Variants in ELAPOR2 observed in about 807,000 individuals in gnomAD.
ELAPOR2 encodes the protein endosome/lysosome-associated apoptosis and autophagy regulator family member 2.
ELAPOR2 carries 89 observed loss-of-function variants against 120.7 expected under a neutral mutation model. That is an observed-to-expected ratio of 0.74 (90% CI 0.62 to 0.88). ELAPOR2 has a LOEUF of 0.88. Among genes scored for constraint, ELAPOR2 ranks in the 40% least tolerant of loss-of-function variants. ELAPOR2 has a pLI of 0.00. For synonymous variants in ELAPOR2, 444 were observed against 444.9 expected (o/e 1.00, Z 0.03); for missense variants, 1,134 against 1,251.6 (o/e 0.91, Z 1.42).
intron 1 of ELAPOR2, among the ~76,000 whole-genome samples, chr7:87,011,561 G>A (rs760053254): frequency 3.9e-5 from 6 of 152,134 alleles, no homozygotes; most frequent in African/African-American, 7.2e-5. Context: ...CCGTTTCAGT[G>A]AGTTCACAAA....
At chr7:86,965,709 G>T in intron 1 of ELAPOR2, 1 of 509,520 alleles carries the variant, frequency 2.0e-6, no homozygotes, top group Non-Finnish European at 2.5e-6. Flanking sequence ...TTACACATAA[G>T]TGATATTTAA....
intron 2 of ELAPOR2, among the ~76,000 whole-genome samples, chr7:86,959,008 G>A (rs140592196): frequency 3.9e-4 from 59 of 150,148 alleles, no homozygotes; most frequent in African/African-American, 1.2e-3. Context: ...TTTAATCAGC[G>A]TTTATCATTT....
intron 10 of ELAPOR2, chr7:86,920,795 C>T (rs1426491433): frequency 6.6e-6 from 1 of 152,146 alleles, no homozygotes; most frequent in Non-Finnish European, 1.5e-5. Context: ...GGGCCTTGAA[C>T]ATTCCCAGGC....
At chr7:86,923,279 G>A (rs1161862371) in intron 10 of ELAPOR2, among the ~76,000 whole-genome samples, 3 of 151,862 alleles carry the variant, frequency 2.0e-5, no homozygotes, top group Non-Finnish European at 4.4e-5. Flanking sequence ...AAAATAGCTA[G>A]AAGAATTAGA....
At position 86,942,085 on chromosome 7, in the gene ELAPOR2, T is replaced by C. The variant is rs939109230; in HGVS notation, c.674A>G (p.Gln225Arg). ...FEFFIQNDQC[Q>R]EMDTTTDKWV... ...CTTGTCAGTGGTGGTGTCCATCTCC[T>C]GGCACTGATCATTTTGAATCTGTGG... is the stretch of plus-strand genomic sequence containing the variant. The change falls in exon 5 of 22, where the codon CAG becomes CGG. Residue 225 changes from glutamine to arginine, a missense_variant. Transcript: ENST00000450689. 6 of 1,547,284 alleles carry C rather than the reference T, an allele frequency of 3.9e-6. No individual in the cohort carries two copies. The East Asian group carries it at 1.5e-4, about 38-fold the overall frequency.
At chr7:86,976,913 G>A (rs775967194) in intron 1 of ELAPOR2, among the ~76,000 whole-genome samples, 4 of 152,180 alleles carry the variant, frequency 2.6e-5, no homozygotes, top group African/African-American at 9.7e-5. Context: ...TCATGCATAA[G>A]GTTAAGGTAC....
At chr7:87,017,863 G>A (rs55970030) in intron 1 of ELAPOR2, among the ~76,000 whole-genome samples, 1 of 152,138 alleles carries the variant, frequency 6.6e-6, no homozygotes, top group Non-Finnish European at 1.5e-5. Flanking sequence ...AGAGGTTGCA[G>A]CGACCCAGGA....
chr7:86,892,594 A>T (rs907658862), intron 20 of ELAPOR2, among the ~76,000 whole-genome samples: 8 of 152,096 alleles, frequency 5.3e-5, no homozygotes, highest in African/African-American at 9.7e-5. Context: ...TATCATTTTT[A>T]AAAAAGGCAG....
At chr7:86,927,068 AAG>A (rs1790106099) in intron 8 of ELAPOR2, 152 bp from the exon 9 acceptor site, 1 of 693,950 alleles carries the variant, frequency 1.4e-6, no homozygotes, top group South Asian at 3.2e-5. Context: ...AATGAGAGAA[AAG>A]AGAGAACATT....
At chr7:86,948,290 T>C (rs1791087006) in intron 2 of ELAPOR2, among the ~76,000 whole-genome samples, 1 of 152,208 alleles carries the variant, frequency 6.6e-6, no homozygotes, top group Non-Finnish European at 1.5e-5. Flanking sequence ...TCCCTTCCCC[T>C]GGCCCAATGG....
intron 1 of ELAPOR2, among the ~76,000 whole-genome samples, chr7:86,967,222 T>C (rs1354961403): frequency 2.0e-5 from 3 of 152,114 alleles, no homozygotes; most frequent in Non-Finnish European, 4.4e-5. Context: ...CACTTTGGGA[T>C]GCCAAGGTGG....
At chr7:87,018,887 C>A (rs929730429) in intron 1 of ELAPOR2, among the ~76,000 whole-genome samples, 5 of 152,104 alleles carry the variant, frequency 3.3e-5, no homozygotes, top group Admixed American at 1.3e-4. Context: ...AAAATAAATA[C>A]TAAGACAAGC....
At chr7:87,042,675 G>A (rs375766619) in intron 1 of ELAPOR2, among the ~76,000 whole-genome samples, 20 of 152,004 alleles carry the variant, frequency 1.3e-4, no homozygotes, top group African/African-American at 3.4e-4. Context: ...TCCAAAATTG[G>A]CACCCTAACA....
chr7:86,945,544 T>C lies in ELAPOR2; in HGVS notation c.507-498A>G, dbSNP rs143373677. 5.0e-3 allele frequency among the ~76,000 whole-genome samples: 769 copies of C among 152,324 alleles called. 8 individuals carry two copies. Among genetic ancestry groups the C allele is most frequent in the African/African-American group, 0.018 (731 of 41,574 alleles). ...GACTTGGCTTTGAGTTCCTAAATCT[T>C]TGTAAGGTTATTTTAAAAGCAACTA... is the stretch of plus-strand genomic sequence containing the variant. On this transcript the variant is annotated intron_variant, in intron 3 of 21. Coordinates refer to ENST00000450689, the MANE Select transcript of ELAPOR2 (RefSeq NM_001142749.3).
At chr7:87,039,413 C>G (rs1794689261) in intron 1 of ELAPOR2, among the ~76,000 whole-genome samples, 1 of 152,088 alleles carries the variant, frequency 6.6e-6, no homozygotes, top group South Asian at 2.1e-4. Context: ...TTCTACAAGG[C>G]TAATATTACC....
chr7:86,891,531 C>T lies in ELAPOR2; in HGVS notation c.3030+193G>A, dbSNP rs2115832422. On this transcript the variant is annotated intron_variant, in intron 21 of 21. Transcript: ENST00000450689. ...CTAACTCCTTACTGATGATGTTTGA[C>T]AACCAACGAAAACAATGCTGCAGTG... 8.2e-6 allele frequency: 4 copies of T among 485,566 alleles called. No individual in the cohort carries two copies. The East Asian group carries it at 9.8e-5, about 12-fold the overall frequency. The allele number at this position is 485,566 out of a possible 1,614,324, so 30.1% of individuals were successfully genotyped here. A position where few individuals can be genotyped will look rare whatever the true frequency, so the allele number is the denominator to read the frequency against.
At chr7:87,028,650 T>C (rs975637690) in intron 1 of ELAPOR2, among the ~76,000 whole-genome samples, 1 of 152,184 alleles carries the variant, frequency 6.6e-6, no homozygotes, top group African/African-American at 2.4e-5. Flanking sequence ...CTAACTCCTT[T>C]GTTGTTACCC....
chr7:86,980,557 T>C (rs534551594), intron 1 of ELAPOR2, among the ~76,000 whole-genome samples: 66 of 152,248 alleles, frequency 4.3e-4, no homozygotes, highest in Admixed American at 8.5e-4. Context: ...TCTCTACAAA[T>C]AACCTTGCAT....
At chr7:86,975,355 G>C (rs1256362515) in intron 1 of ELAPOR2, among the ~76,000 whole-genome samples, 1 of 152,116 alleles carries the variant, frequency 6.6e-6, no homozygotes, top group East Asian at 1.9e-4. Flanking sequence ...CAAATTGTGA[G>C]ATAAATAAAA....
Sources: gnomAD v4.1 joint callset for allele counts (sites outside exome capture counted in the v4.1 genomes callset) on GRCh38, gnomAD v4.1.1 for gene constraint, MANE v1.5 for transcripts, NCBI Gene and HGNC (gene_info 2026-07-23, HGNC 2026-07-21) for gene names.